Variants in WASF3 observed in about 807,000 individuals in gnomAD.
WASF3 encodes actin-binding protein WASF3.
In WASF3, 11 loss-of-function variants were observed where a neutral mutation model predicts 46.6. The observed-to-expected ratio is 0.24, with a 90% CI of 0.15 to 0.39. The LOEUF (loss-of-function observed/expected upper bound fraction) is 0.39, where lower values mean the gene tolerates loss of function less well. Ranked by LOEUF, WASF3 falls within the 10% of genes least tolerant of loss-of-function variation. WASF3 has a pLI of 1.00. For missense variants in WASF3, 576 were observed against 669.8 expected, an observed-to-expected ratio of 0.86 and a Z score of 1.55; for synonymous variants, 242 against 259.7, an observed-to-expected ratio of 0.93 and a Z score of 0.65.
intron 1 of WASF3, among the ~76,000 whole-genome samples, chr13:26,603,704 T>G (rs1880708643): frequency 6.6e-6 from 1 of 152,136 alleles, no homozygotes; most frequent in Non-Finnish European, 1.5e-5. Flanking sequence ...AAGGGAAACC[T>G]CTTTTATACT....
intron 1 of WASF3, chr13:26,577,690 A>G (rs1439034569): frequency 7.4e-6 from 7 of 951,788 alleles, no homozygotes; most frequent in Non-Finnish European, 9.7e-6. Flanking sequence ...GTTCAGACTT[A>G]TAATAATGGC....
chr13:26,547,738 TC>T, the WASF3 span, among the ~76,000 whole-genome samples: 1 of 152,230 alleles, frequency 6.6e-6, no homozygotes, highest in Non-Finnish European at 1.5e-5. Context: ...CTTGATCTTC[TC>T]CACTGAATCG....
At chr13:26,542,998 T>C in the WASF3 span, among the ~76,000 whole-genome samples, 3 of 152,172 alleles carry the variant, frequency 2.0e-5, no homozygotes, top group African/African-American at 4.8e-5. Flanking sequence ...AGAGGGAGTA[T>C]GTTAAGTAGG....
intron 7 of WASF3, among the ~76,000 whole-genome samples, chr13:26,677,959 T>C (rs1026895127): frequency 9.9e-5 from 15 of 151,996 alleles, no homozygotes; most frequent in African/African-American, 2.9e-4. Flanking sequence ...GGGAAAATGA[T>C]GGATTTTTAA....
chr13:26,591,897 G>A (rs1324632560), intron 1 of WASF3, among the ~76,000 whole-genome samples: 1 of 152,136 alleles, frequency 6.6e-6, no homozygotes, highest in Non-Finnish European at 1.5e-5. Context: ...CACCCCTTAA[G>A]GTACTTGCAT....
At chr13:26,607,150 C>T (rs1468434504) in intron 1 of WASF3, among the ~76,000 whole-genome samples, 1 of 152,094 alleles carries the variant, frequency 6.6e-6, no homozygotes, top group African/African-American at 2.4e-5. Context: ...GGACTGTATA[C>T]CTCTCAGATG....
At chr13:26,578,444 A>T (rs34532089) in intron 1 of WASF3, among the ~76,000 whole-genome samples, 2 of 152,020 alleles carry the variant, frequency 1.3e-5, no homozygotes, top group Non-Finnish European at 1.5e-5. Context: ...CCCTCCCTGC[A>T]GTTGTTTGCA....
At chr13:26,680,944 C>T in intron 7 of WASF3, 110 bp from the exon 8 acceptor site, 1 of 1,369,350 alleles carries the variant, frequency 7.3e-7, no homozygotes, top group Non-Finnish European at 1.0e-6. Context: ...AAATTAATGT[C>T]TGATTTTTGT....
At chr13:26,543,790 C>T in the WASF3 span, among the ~76,000 whole-genome samples, 2 of 152,340 alleles carry the variant, frequency 1.3e-5, no homozygotes, top group East Asian at 1.9e-4. Flanking sequence ...CCCAGCCTCA[C>T]TAAGCTTGAC....
At chr13:26,586,176 CT>C (rs1880121343) in intron 1 of WASF3, among the ~76,000 whole-genome samples, 2 of 151,984 alleles carry the variant, frequency 1.3e-5, no homozygotes, top group East Asian at 3.9e-4. Flanking sequence ...AATATTTGCC[CT>C]TTATTGTTTT....
At chr13:26,631,486 G>A (rs1881650579) in intron 2 of WASF3, among the ~76,000 whole-genome samples, 1 of 152,146 alleles carries the variant, frequency 6.6e-6, no homozygotes, top group Admixed American at 6.5e-5. Context: ...GGTTGTAGAT[G>A]TGTGGTGTTA....
intron 1 of WASF3, among the ~76,000 whole-genome samples, chr13:26,598,952 C>T (rs1199198378): frequency 2.6e-5 from 4 of 152,148 alleles, no homozygotes; most frequent in Admixed American, 2.0e-4. Context: ...CTCGCTGCAT[C>T]CTCTGTCTCC....
At chr13:26,640,266 T>A (rs1881956247) in intron 2 of WASF3, 1 of 152,178 alleles carries the variant, frequency 6.6e-6, no homozygotes. Context: ...ATCCCTAATC[T>A]TGTCAAAATG....
chr13:26,660,205 T>G (rs1882587394), intron 3 of WASF3, among the ~76,000 whole-genome samples: 2 of 125,576 alleles, frequency 1.6e-5, no homozygotes, highest in Non-Finnish European at 1.6e-5. Flanking sequence ...TTTTTTTTTT[T>G]TTTTTTTTTT....
At chr13:26,647,775 A>T (rs1335911576) in intron 3 of WASF3, among the ~76,000 whole-genome samples, 2 of 152,114 alleles carry the variant, frequency 1.3e-5, no homozygotes, top group East Asian at 3.8e-4. Flanking sequence ...AAAAAAAAAA[A>T]TTTGGCGACA....
chr13:26,640,209 G>T (rs1881954133), intron 2 of WASF3, among the ~76,000 whole-genome samples: 1 of 151,974 alleles, frequency 6.6e-6, no homozygotes, highest in Non-Finnish European at 1.5e-5. Flanking sequence ...CAATACCTGA[G>T]ATCACATTTC....
In WASF3 at chr13:26,679,029, G is replaced by A. The variant is rs1262520334; in HGVS notation, c.717-2025G>A. The stretch of plus-strand genomic sequence containing the variant: ...CTCCTCCCGTGTCGGTGTCATCTCC[G>A]GCCCTCCCGGCCCTCCTCCTCCCAT... On this transcript the variant is annotated intron_variant, in intron 7 of 9. Transcript: ENST00000335327. This position sits in a 1 kb window ranked among gnomAD's most constrained non-coding sequence, Gnocchi z 4.8. Among the ~76,000 whole-genome samples, 2 of 147,288 alleles carry A rather than the reference G, an allele frequency of 1.4e-5. No individual in the cohort carries two copies. Among genetic ancestry groups the A allele is most frequent in the African/African-American group, 2.5e-5 (1 of 39,264 alleles).
At chr13:26,621,063 C>T (rs948826319) in intron 2 of WASF3, among the ~76,000 whole-genome samples, 6 of 152,218 alleles carry the variant, frequency 3.9e-5, no homozygotes, top group Admixed American at 6.5e-5. Flanking sequence ...AATAGCTTCC[C>T]GATGCTGAGC....
At chr13:26,605,980 T>C (rs940410707) in intron 1 of WASF3, among the ~76,000 whole-genome samples, 1 of 152,212 alleles carries the variant, frequency 6.6e-6, no homozygotes, top group Non-Finnish European at 1.5e-5. Flanking sequence ...CATGAATTCC[T>C]TTCTGTGTGA....
Sources: allele counts gnomAD v4.1 joint callset (sites outside exome capture counted in the v4.1 genomes callset), GRCh38; gene constraint gnomAD v4.1.1; non-coding constraint Gnocchi (gnomAD v3.1); transcripts MANE v1.5; gene names NCBI Gene and HGNC (gene_info 2026-07-23, HGNC 2026-07-21).